FILIP1: variants seen among roughly 807,000 people sequenced by gnomAD.
The protein encoded by FILIP1 is filamin A interacting protein 1, also known as filamin-A-interacting protein 1.
FILIP1 carries 61 observed loss-of-function variants against 102.1 expected under a neutral mutation model. The ratio of observed to expected loss-of-function variants is 0.60; its 90% confidence interval spans 0.49 to 0.74. The LOEUF is 0.74. FILIP1 is among the 30% of genes least tolerant of loss of function. The probability of loss-of-function intolerance (pLI) is 0.00; values close to 1 mark genes in which losing one functional copy is unlikely to be tolerated. For synonymous variants in FILIP1, 491 were observed against 526.9 expected, an observed-to-expected ratio of 0.93 and a Z score of 0.93; for missense variants, 1,314 against 1,441.2, an observed-to-expected ratio of 0.91 and a Z score of 1.43.
chr6:75,441,889 C>A (rs1310488357), intron 1 of FILIP1, among the ~76,000 whole-genome samples: 7 of 146,560 alleles, frequency 4.8e-5, no homozygotes, highest in Non-Finnish European at 1.1e-4. Flanking sequence ...GGGGGGTAGA[C>A]CCCCCCACCT....
intron 3 of FILIP1, among the ~76,000 whole-genome samples, chr6:75,358,147 C>A (rs1291133630): frequency 6.6e-6 from 1 of 152,038 alleles, no homozygotes; most frequent in Non-Finnish European, 1.5e-5. Flanking sequence ...TGGAGAAGTA[C>A]AATAACTTGA....
At chr6:75,371,797 C>T (rs909096783) in intron 2 of FILIP1, among the ~76,000 whole-genome samples, 5 of 152,082 alleles carry the variant, frequency 3.3e-5, no homozygotes, top group African/African-American at 1.2e-4. Context: ...CTTTTCCTTG[C>T]AGCATATACA....
intron 4 of FILIP1, among the ~76,000 whole-genome samples, chr6:75,342,803 C>A (rs937249541): frequency 1.3e-5 from 2 of 152,172 alleles, no homozygotes; most frequent in Non-Finnish European, 2.9e-5. Context: ...ATTTCCACAG[C>A]CTTTCAAAGG....
chr6:75,492,510 C>T (rs978257377), intron 1 of FILIP1, among the ~76,000 whole-genome samples: 24 of 152,064 alleles, frequency 1.6e-4, no homozygotes, highest in Non-Finnish European at 3.4e-4. Context: ...TCAATACTAA[C>T]TATATCAACA....
chr6:75,419,186 C>T (rs1043621973), intron 1 of FILIP1, among the ~76,000 whole-genome samples: 2 of 152,132 alleles, frequency 1.3e-5, no homozygotes, highest in African/African-American at 2.4e-5. Context: ...TCCCAGACTT[C>T]CTTAGCTCTT....
At chr6:75,406,683 G>T (rs188129530) in intron 2 of FILIP1, among the ~76,000 whole-genome samples, 2 of 135,050 alleles carry the variant, frequency 1.5e-5, no homozygotes. Context: ...TTTTTCAGAC[G>T]GAGTCTTGTT....
intron 5 of FILIP1, among the ~76,000 whole-genome samples, 180 bp from the exon 6 acceptor site, chr6:75,309,077 C>G (rs1438957765): frequency 6.6e-6 from 1 of 152,064 alleles, no homozygotes; most frequent in Non-Finnish European, 1.5e-5. Context: ...GATTATCTCC[C>G]CTTCCCTTCA....
At chr6:75,379,368 G>A (rs1006513470) in intron 2 of FILIP1, among the ~76,000 whole-genome samples, 11 of 152,172 alleles carry the variant, frequency 7.2e-5, no homozygotes, top group African/African-American at 1.7e-4. Flanking sequence ...CGACTGTTTC[G>A]TTTGCATTAC....
intron 2 of FILIP1, among the ~76,000 whole-genome samples, chr6:75,370,419 G>A (rs1008812977): frequency 5.3e-5 from 8 of 152,076 alleles, no homozygotes; most frequent in African/African-American, 1.9e-4. Context: ...AAAATTAAGT[G>A]ATGTGAAAGT....
At chr6:75,357,895 A>AATC (rs1237518154) in intron 3 of FILIP1, among the ~76,000 whole-genome samples, 1 of 152,236 alleles carries the variant, frequency 6.6e-6, no homozygotes, top group Non-Finnish European at 1.5e-5. Flanking sequence ...TAGATTCATT[A>AATC]ATCATAGATA....
chr6:75,407,472 C>G (rs1776907469), intron 2 of FILIP1, among the ~76,000 whole-genome samples: 1 of 152,158 alleles, frequency 6.6e-6, no homozygotes, highest in East Asian at 1.9e-4. Flanking sequence ...GTGATCCGCC[C>G]ACCTCGGCCT....
chr6:75,491,968 C>T (rs1222432317), intron 1 of FILIP1, among the ~76,000 whole-genome samples: 1 of 152,142 alleles, frequency 6.6e-6, no homozygotes, highest in Non-Finnish European at 1.5e-5. Flanking sequence ...CAATGTGACC[C>T]TTCTTAGGAT....
chr6:75,441,680 C>T (rs1358227469), intron 1 of FILIP1, among the ~76,000 whole-genome samples: 8 of 148,402 alleles, frequency 5.4e-5, no homozygotes, highest in Admixed American at 4.0e-4. Context: ...CACCTCCCTC[C>T]CTGACGGGGC....
intron 1 of FILIP1, among the ~76,000 whole-genome samples, chr6:75,491,595 G>T (rs1344336897): frequency 6.6e-6 from 1 of 152,126 alleles, no homozygotes; most frequent in African/African-American, 2.4e-5. Flanking sequence ...GGAAGACATG[G>T]CAATGGAATC....
rs1772715592 is a variant in FILIP1 at position 75,297,502 on chromosome 6, A to G, written c.3494-1552T>C. Among the ~76,000 whole-genome samples, 3 of 152,284 alleles carry G rather than the reference A, an allele frequency of 2.0e-5. No homozygotes were observed. In the South Asian group the frequency reaches 6.2e-4, roughly 32 times the overall value. The stretch of plus-strand genomic sequence containing the variant: ...ATATACCTAAGAATATTTAGCTATG[A>G]AGGTTTTCTGAAGCTCTTAAGACAT... On this transcript the variant is annotated intron_variant, in intron 6 of 6. Transcript: ENST00000393004.
rs781654688 is a variant in FILIP1, at chr6:75,313,956, CT to C, written c.1875del (p.Asp626IlefsTer7). On this transcript the variant is annotated frameshift_variant, in exon 5 of 6. Coordinates refer to ENST00000237172, the MANE Select transcript of FILIP1 (RefSeq NM_015687.5). LOFTEE classifies it high-confidence loss of function. This position sits in a 1 kb window ranked among gnomAD's most constrained non-coding sequence, Gnocchi z 4.2. The stretch of plus-strand genomic sequence containing the variant: ...AGTGTTAGTTCCTTAATCTTATTAT[CT>C]TCCGGGCAGGTGAGCTCAGACCCTT... ...SRKGSELTCP[E>X]DNKIKELTLE... The C allele has an allele frequency of 6.2e-7, 1 of 1,608,086 alleles. No homozygotes were observed. Among genetic ancestry groups the C allele is most frequent in the South Asian group, 1.1e-5 (1 of 89,836 alleles).
At chr6:75,456,501 T>G (rs868205337) in intron 1 of FILIP1, among the ~76,000 whole-genome samples, 1 of 152,190 alleles carries the variant, frequency 6.6e-6, no homozygotes, top group African/African-American at 2.4e-5. Context: ...AATAAAAGTG[T>G]GTTTCATTTA....
rs145209784 is a variant in FILIP1, at chr6:75,475,557, C to T, written c.-7+17857G>A. ...GGTTTAGAAAGTTAAAAAGACTAAACGTGGCTCACATTTTTTACTCTGATA... is the reference window on the plus strand; with the variant it reads ...GGTTTAGAAAGTTAAAAAGACTAAATGTGGCTCACATTTTTTACTCTGATA... On this transcript the variant is annotated intron_variant, in intron 1 of 5. Transcript: ENST00000237172. Among the ~76,000 whole-genome samples the T allele has an allele frequency of 2.8e-4, 43 of 152,210 alleles. No individual in the cohort carries two copies. In the East Asian group the frequency reaches 6.7e-3, roughly 24 times the overall value.
intron 2 of FILIP1, among the ~76,000 whole-genome samples, chr6:75,383,984 A>G (rs1275827373): frequency 1.3e-5 from 2 of 152,178 alleles, no homozygotes; most frequent in Non-Finnish European, 2.9e-5. Context: ...TTATTCAACA[A>G]TAGAATGGAA....
Sources: gnomAD v4.1 joint callset for allele counts (sites outside exome capture counted in the v4.1 genomes callset) on GRCh38, gnomAD v4.1.1 for gene constraint, Gnocchi (gnomAD v3.1) non-coding constraint, MANE v1.5 for transcripts, NCBI Gene and HGNC (gene_info 2026-07-23, HGNC 2026-07-21) for gene names.